Variants in MAGI2 observed in about 807,000 individuals in gnomAD.
MAGI2 encodes the protein membrane-associated guanylate kinase, WW and PDZ domain-containing protein 2.
A neutral mutation model predicts 133.3 loss-of-function variants in MAGI2; 35 were observed. The observed-to-expected ratio is 0.26, with a 90% CI of 0.20 to 0.35. The LOEUF (loss-of-function observed/expected upper bound fraction) is 0.35. Ranked by LOEUF, MAGI2 falls within the 10% of genes least tolerant of loss-of-function variation. The pLI, the probability that MAGI2 is intolerant of heterozygous loss-of-function variation, is 1.00. For synonymous variants in MAGI2, 729 were observed against 710.6 expected, an observed-to-expected ratio of 1.03 and a Z score of -0.41; for missense variants, 1,636 against 1,863.4, an observed-to-expected ratio of 0.88 and a Z score of 2.25.
intron 21 of MAGI2, among the ~76,000 whole-genome samples, chr7:78,021,957 T>C (rs909904550): frequency 2.0e-5 from 3 of 152,228 alleles, no homozygotes; most frequent in Non-Finnish European, 4.4e-5. Flanking sequence ...TACTTATGGA[T>C]TGGGCTCCTG....
At position 78,788,583 on chromosome 7, in the gene MAGI2, C is replaced by CA. The variant is rs570892265; in HGVS notation, c.419-161345dup. Among the ~76,000 whole-genome samples the CA allele has an allele frequency of 4.0e-3, 560 of 139,222 alleles. 4 individuals carry two copies. Among genetic ancestry groups the CA allele is most frequent in the South Asian group, 0.022 (95 of 4,354 alleles). The allele number at this position is 139,222 out of a possible 152,430, so 91.3% of individuals were successfully genotyped here. On this transcript the variant is annotated intron_variant, in intron 2 of 21. Coordinates refer to ENST00000354212, the MANE Select transcript of MAGI2 (RefSeq NM_012301.4). ...ATTATGGGCACCTATCTTTGCTTAT[C>CA]AAAAAAAAAAAGCACTGAGTATAAT...
chr7:78,190,498 T>C (rs1828099223), intron 12 of MAGI2, among the ~76,000 whole-genome samples: 1 of 151,972 alleles, frequency 6.6e-6, no homozygotes, highest in Non-Finnish European at 1.5e-5. Flanking sequence ...GAGTCTAGGG[T>C]GGTGAAAAGT....
intron 16 of MAGI2, among the ~76,000 whole-genome samples, chr7:78,138,641 A>G (rs1327312420): frequency 6.7e-6 from 1 of 148,762 alleles, no homozygotes; most frequent in East Asian, 1.9e-4. Flanking sequence ...ACACACACAC[A>G]CACACACACA....
At chr7:78,360,552 A>T (rs1051872998) in intron 7 of MAGI2, among the ~76,000 whole-genome samples, 3 of 152,364 alleles carry the variant, frequency 2.0e-5, no homozygotes, top group African/African-American at 4.8e-5. Flanking sequence ...AAAACTAATA[A>T]GCTATATGAG....
At chr7:79,324,740 T>C (rs1314230997) in intron 1 of MAGI2, among the ~76,000 whole-genome samples, 1 of 129,832 alleles carries the variant, frequency 7.7e-6, no homozygotes, top group East Asian at 2.2e-4. Context: ...ATATATTATA[T>C]ATATATATAT....
chr7:78,235,865 A>G (rs1178644113), intron 10 of MAGI2, among the ~76,000 whole-genome samples: 1 of 152,126 alleles, frequency 6.6e-6, no homozygotes, highest in Non-Finnish European at 1.5e-5. Flanking sequence ...CATAGTATGG[A>G]CATTGCAGGT....
intron 14 of MAGI2, among the ~76,000 whole-genome samples, chr7:78,176,908 GACACACACACAC>G (rs200781303): frequency 0.048 from 6,310 of 130,454 alleles, 154 homozygotes; most frequent in South Asian, 0.074. Context: ...ACCATATATA[GACACACACACAC>G]ACACACACAC....
chr7:78,250,791 G>A (rs538874339), intron 10 of MAGI2, among the ~76,000 whole-genome samples: 12 of 152,020 alleles, frequency 7.9e-5, no homozygotes, highest in Middle Eastern at 3.2e-3. Flanking sequence ...GACTTCACTG[G>A]TGAATTCTAT....
At chr7:78,367,127 A>ACACACACACACACACACAC (rs1554369024) in intron 7 of MAGI2, among the ~76,000 whole-genome samples, 3 of 151,814 alleles carry the variant, frequency 2.0e-5, no homozygotes, top group South Asian at 2.1e-4. Flanking sequence ...ACACACACAC[A>ACACACACACACACACACAC]AATTTGAAGT....
chr7:78,040,803 T>C (rs1810752305), intron 21 of MAGI2, among the ~76,000 whole-genome samples: 4 of 152,222 alleles, frequency 2.6e-5, no homozygotes, highest in Admixed American at 2.0e-4. Context: ...GGAATGATTG[T>C]TGACTGGCAC....
chr7:79,015,780 A>G (rs1808640440), intron 1 of MAGI2, among the ~76,000 whole-genome samples: 2 of 152,060 alleles, frequency 1.3e-5, no homozygotes, highest in Admixed American at 6.5e-5. Context: ...TGAAATGCAC[A>G]ATTTATGGTA....
intron 6 of MAGI2, among the ~76,000 whole-genome samples, chr7:78,425,915 A>G (rs546215309): frequency 1.3e-5 from 2 of 152,364 alleles, no homozygotes; most frequent in East Asian, 3.9e-4. Flanking sequence ...CACTCTTTAA[A>G]GAAAAATAAT....
chr7:78,840,380 G>C (rs1792028245), intron 2 of MAGI2, among the ~76,000 whole-genome samples: 1 of 151,994 alleles, frequency 6.6e-6, no homozygotes, highest in Non-Finnish European at 1.5e-5. Context: ...GTGCATATCA[G>C]AGTCTCCTGG....
At chr7:78,514,049 T>TTACAC (rs1327844996) in intron 4 of MAGI2, among the ~76,000 whole-genome samples, 5 of 128,312 alleles carry the variant, frequency 3.9e-5, no homozygotes, top group Non-Finnish European at 7.7e-5. Flanking sequence ...GATCACTCCA[T>TTACAC]TACACTCCAG....
At chr7:78,977,285 A>G (rs1804341400) in intron 2 of MAGI2, among the ~76,000 whole-genome samples, 1 of 151,574 alleles carries the variant, frequency 6.6e-6, no homozygotes, top group South Asian at 2.1e-4. Context: ...ACCCACATAA[A>G]TGAGGTCAAC....
Position 78,891,270 on chromosome 7 carries a change from C to T in MAGI2, c.418+115820G>A, listed in dbSNP as rs528868820. Reference sequence around the variant, plus strand: ...CAACCAAAAAAAGTTCAGGACCAGACGGATTCAAAGCCTAATTCTACCAAA... The same window carrying T: ...CAACCAAAAAAAGTTCAGGACCAGATGGATTCAAAGCCTAATTCTACCAAA... On this transcript the variant is annotated intron_variant, in intron 2 of 21. Coordinates refer to ENST00000354212, the MANE Select transcript of MAGI2 (RefSeq NM_012301.4). Among the ~76,000 whole-genome samples the T allele has an allele frequency of 2.0e-4, 31 of 152,150 alleles. 1 individual carries two copies. The highest frequency in any genetic ancestry group is 1.2e-3 in the East Asian group (6 of 5,186).
chr7:78,797,902 C>A (rs980492787), intron 2 of MAGI2, among the ~76,000 whole-genome samples: 3 of 151,662 alleles, frequency 2.0e-5, no homozygotes, highest in South Asian at 2.1e-4. Flanking sequence ...GGGTGCATGG[C>A]AATGAAACCT....
chr7:78,263,706 C>G (rs1177695723), intron 9 of MAGI2, among the ~76,000 whole-genome samples: 1 of 152,170 alleles, frequency 6.6e-6, no homozygotes, highest in African/African-American at 2.4e-5. Flanking sequence ...CTACCTGCTT[C>G]CCTGTCAGCT....
chr7:78,174,022 G>T (rs759706271), intron 14 of MAGI2, among the ~76,000 whole-genome samples: 3 of 152,152 alleles, frequency 2.0e-5, no homozygotes, highest in Non-Finnish European at 4.4e-5. Flanking sequence ...CCGCCAGGAC[G>T]CTATCTCTGT....
Sources: gnomAD v4.1 joint callset for allele counts (sites outside exome capture counted in the v4.1 genomes callset) on GRCh38, gnomAD v4.1.1 for gene constraint, MANE v1.5 for transcripts, NCBI Gene and HGNC (gene_info 2026-07-23, HGNC 2026-07-21) for gene names.